Variants in CSGALNACT1 observed in about 807,000 individuals in gnomAD.
CSGALNACT1 encodes beta4GalNAcT-1.
A neutral mutation model predicts 51.0 loss-of-function variants in CSGALNACT1; 52 were observed. That is an observed-to-expected ratio of 1.02 (90% CI 0.82 to 1.29). The LOEUF is 1.29. Ranked by LOEUF, CSGALNACT1 falls within the 50% of genes most tolerant of loss-of-function variation. The pLI is 0.00. For missense variants in CSGALNACT1, 935 were observed against 679.2 expected (o/e 1.38, Z -4.19); for synonymous variants, 341 against 254.4 (o/e 1.34, Z -3.24).
chr8:19,405,686 G>A, exon 10 of CSGALNACT1: 3 of 1,503,652 alleles, frequency 2.0e-6, no homozygotes, highest in Non-Finnish European at 2.8e-6. Flanking sequence ...CAATTCTTTT[G>A]TCGTCCTTTA....
chr8:19,509,205 G>A (rs2077956113), intron 3 of CSGALNACT1, among the ~76,000 whole-genome samples: 1 of 152,176 alleles, frequency 6.6e-6, no homozygotes, highest in South Asian at 2.1e-4. Context: ...TTAAAAACTG[G>A]TTATACTGAA....
At chr8:19,744,956 C>T (rs753848069) in intron 1 of CSGALNACT1, among the ~76,000 whole-genome samples, 4 of 152,182 alleles carry the variant, frequency 2.6e-5, no homozygotes, top group African/African-American at 4.8e-5. Flanking sequence ...AATGTAAACA[C>T]AGCTAAAACA....
chr8:19,458,589 C>A (rs773622728), exon 5 of CSGALNACT1: 13 of 1,614,038 alleles, frequency 8.1e-6, no homozygotes. Context: ...TTGTGGTCCC[C>A]TTTGAAGGTG....
intron 3 of CSGALNACT1, among the ~76,000 whole-genome samples, chr8:19,542,285 T>C (rs757489305): frequency 5.3e-5 from 8 of 151,266 alleles, no homozygotes; most frequent in Admixed American, 2.0e-4. Context: ...AGGAAAGCCA[T>C]TGAAATTCCC....
At chr8:19,715,961 G>A (rs1458053722) in intron 1 of CSGALNACT1, among the ~76,000 whole-genome samples, 2 of 152,216 alleles carry the variant, frequency 1.3e-5, no homozygotes, top group Non-Finnish European at 2.9e-5. Context: ...CTCAGAGAAA[G>A]TCTCTTTCCT....
chr8:19,667,491 G>GTGAT (rs1434925576), intron 1 of CSGALNACT1, among the ~76,000 whole-genome samples: 1 of 151,982 alleles, frequency 6.6e-6, no homozygotes, highest in Admixed American at 6.6e-5. Context: ...AAAGAGTGAA[G>GTGAT]TGATTTAATT....
At chr8:19,589,849 A>G (rs376773867) in intron 3 of CSGALNACT1, among the ~76,000 whole-genome samples, 1 of 152,324 alleles carries the variant, frequency 6.6e-6, no homozygotes, top group East Asian at 1.9e-4. Flanking sequence ...CAAATCATTA[A>G]TCCACAGAAA....
chr8:19,729,317 G>A (rs941598383), intron 1 of CSGALNACT1, among the ~76,000 whole-genome samples: 10 of 152,158 alleles, frequency 6.6e-5, no homozygotes, highest in South Asian at 2.1e-4. Flanking sequence ...AAGTGATTGC[G>A]TGTATATTTG....
chr8:19,485,386 G>C (rs895504514), intron 4 of CSGALNACT1, among the ~76,000 whole-genome samples: 3 of 152,048 alleles, frequency 2.0e-5, no homozygotes, highest in African/African-American at 7.3e-5. Flanking sequence ...CACTGTGAGA[G>C]ATAAAAATAA....
chr8:19,716,612 C>CCAAAAAAAAAAAAA (rs1414449293), intron 1 of CSGALNACT1, among the ~76,000 whole-genome samples: 5 of 41,968 alleles, frequency 1.2e-4, no homozygotes, highest in Admixed American at 4.2e-4. Flanking sequence ...ACCCTCTCTA[C>CCAAAAAAAAAAAAA]AAAAAAAAAA....
At chr8:19,732,743 CA>C (rs1042455840) in intron 1 of CSGALNACT1, among the ~76,000 whole-genome samples, 1 of 152,222 alleles carries the variant, frequency 6.6e-6, no homozygotes, top group Non-Finnish European at 1.5e-5. Context: ...TACGTCATTT[CA>C]AAATCCATTC....
rs773046837 is a variant in CSGALNACT1, at chr8:19,406,069, C to T, written c.1310G>A (p.Gly437Asp). 6.8e-6 allele frequency: 11 copies of T among 1,614,112 alleles called. No individual in the cohort carries two copies. The South Asian group carries it at 1.1e-4, about 16-fold the overall frequency. The change falls in exon 10 of 10, where the codon GGT (glycine) becomes GAT (aspartate). Residue 437 changes from glycine (G) to aspartate (D), a missense_variant and splice_region_variant. By Grantham distance (94) the Gly-to-Asp change is moderately conservative. Coordinates refer to ENST00000454498, the Ensembl canonical transcript of CSGALNACT1. ...GCCTTTGATGTCCAGATCAAACCCA[C>T]CTGTCGGGACAGAACACACTGTTGA...
At chr8:19,410,637 C>T (rs2055460282) in intron 8 of CSGALNACT1, among the ~76,000 whole-genome samples, 1 of 152,164 alleles carries the variant, frequency 6.6e-6, no homozygotes, top group South Asian at 2.1e-4. Context: ...TGATGTAGGG[C>T]CTTTCGAGGT....
In CSGALNACT1 at chr8:19,662,357, G is replaced by A. The variant is rs549536705; in HGVS notation, c.-544+20116C>T. On this transcript the variant is annotated intron_variant, in intron 1 of 9. Transcript: ENST00000332246. Reference sequence around the variant, plus strand: ...GATCACACCACTGCACTCCAGTCTGGGCGACAGAGAAAGATTCTTGCCTCT... The same window carrying A: ...GATCACACCACTGCACTCCAGTCTGAGCGACAGAGAAAGATTCTTGCCTCT... Among the ~76,000 whole-genome samples the A allele has an allele frequency of 2.0e-5, 3 of 152,054 alleles. No individual in the cohort carries two copies. In the South Asian group the frequency reaches 6.2e-4, roughly 32 times the overall value.
At chr8:19,651,351 G>C (rs2057785662) in intron 1 of CSGALNACT1, among the ~76,000 whole-genome samples, 1 of 152,102 alleles carries the variant, frequency 6.6e-6, no homozygotes, top group Non-Finnish European at 1.5e-5. Flanking sequence ...TCTGTACACA[G>C]ATTATTTCGT....
At chr8:19,725,142 G>A (rs1052554996) in intron 1 of CSGALNACT1, among the ~76,000 whole-genome samples, 11 of 152,182 alleles carry the variant, frequency 7.2e-5, no homozygotes, top group Admixed American at 5.2e-4. Flanking sequence ...AGTAAGCACC[G>A]AGTCTCCCTC....
At chr8:19,437,067 G>A (rs552371361) in intron 6 of CSGALNACT1, among the ~76,000 whole-genome samples, 1 of 152,080 alleles carries the variant, frequency 6.6e-6, no homozygotes, top group African/African-American at 2.4e-5. Flanking sequence ...TATTGAGCAG[G>A]TTATAATCTA....
chr8:19,527,840 G>A (rs986328773), intron 3 of CSGALNACT1, among the ~76,000 whole-genome samples: 4 of 152,130 alleles, frequency 2.6e-5, no homozygotes, highest in Non-Finnish European at 5.9e-5. Flanking sequence ...AAGCATCCAG[G>A]CGGAGATGGT....
intron 1 of CSGALNACT1, among the ~76,000 whole-genome samples, chr8:19,656,049 A>C (rs920629236): frequency 6.6e-6 from 1 of 152,136 alleles, no homozygotes; most frequent in East Asian, 1.9e-4. Context: ...AAGGGGGTAC[A>C]TCACAAGCCT....
Sources: allele counts gnomAD v4.1 joint callset (sites outside exome capture counted in the v4.1 genomes callset), GRCh38; gene constraint gnomAD v4.1.1; transcripts MANE v1.5; gene names NCBI Gene and HGNC (gene_info 2026-07-23, HGNC 2026-07-21).